Variants in MCTP1 observed in about 807,000 individuals in gnomAD.
The protein encoded by MCTP1 is multiple C2 and transmembrane domain containing 1.
In MCTP1, 69 loss-of-function variants were observed where a neutral mutation model predicts 120.6. The observed-to-expected ratio is 0.57, with a 90% CI of 0.47 to 0.70. The LOEUF (loss-of-function observed/expected upper bound fraction) is 0.70. Among genes scored for constraint, MCTP1 ranks in the 30% least tolerant of loss-of-function variants. The pLI, the probability that MCTP1 is intolerant of heterozygous loss-of-function variation, is 0.00. For missense variants in MCTP1, 1,203 were observed against 1,248.8 expected, an observed-to-expected ratio of 0.96 and a Z score of 0.55; for synonymous variants, 529 against 493.1, an observed-to-expected ratio of 1.07 and a Z score of -0.96.
intron 12 of MCTP1, among the ~76,000 whole-genome samples, chr5:94,883,048 A>G (rs1427592259): frequency 1.3e-5 from 2 of 152,214 alleles, no homozygotes; most frequent in African/African-American, 2.4e-5. Context: ...TAAAAATGCA[A>G]TTACTAAAGA....
intron 1 of MCTP1, among the ~76,000 whole-genome samples, chr5:95,220,283 A>G (rs1753535751): frequency 1.1e-4 from 16 of 152,066 alleles, no homozygotes; most frequent in Admixed American, 1.0e-3. Context: ...ATAAAATAAC[A>G]AAATAAAATC....
At chr5:94,811,659 A>G (rs1783444315) in intron 17 of MCTP1, among the ~76,000 whole-genome samples, 1 of 152,230 alleles carries the variant, frequency 6.6e-6, no homozygotes, top group Admixed American at 6.5e-5. Flanking sequence ...ATGCTGCTGC[A>G]TGTCTATGGT....
chr5:95,130,482 A>T (rs1562167349), intron 1 of MCTP1, among the ~76,000 whole-genome samples: 1 of 152,234 alleles, frequency 6.6e-6, no homozygotes, highest in Non-Finnish European at 1.5e-5. Flanking sequence ...AACAACCAAT[A>T]AGATATGGAT....
intron 1 of MCTP1, among the ~76,000 whole-genome samples, chr5:95,207,928 C>CGAGAGA (rs753843212): frequency 0.025 from 2,086 of 84,590 alleles, 90 homozygotes; most frequent in African/African-American, 0.076. Flanking sequence ...AATGAGCGGG[C>CGAGAGA]GAGAGAGAGA....
At chr5:95,126,702 TC>T (rs1205570868) in intron 1 of MCTP1, among the ~76,000 whole-genome samples, 1 of 152,164 alleles carries the variant, frequency 6.6e-6, no homozygotes, top group East Asian at 1.9e-4. Context: ...CTATACTACA[TC>T]TGCAAGGTAC....
intron 1 of MCTP1, among the ~76,000 whole-genome samples, chr5:95,264,612 C>T (rs982544665): frequency 1.1e-4 from 16 of 152,312 alleles, no homozygotes; most frequent in South Asian, 2.1e-4. Flanking sequence ...ACCTCTCTCC[C>T]ACTCTCAGCC....
chr5:95,156,974 C>G (rs1308822492), intron 1 of MCTP1, among the ~76,000 whole-genome samples: 1 of 152,122 alleles, frequency 6.6e-6, no homozygotes, highest in Non-Finnish European at 1.5e-5. Flanking sequence ...GTCAAGCTTG[C>G]TAAGAAATGT....
intron 1 of MCTP1, among the ~76,000 whole-genome samples, chr5:95,043,821 A>G (rs1388781798): frequency 6.6e-6 from 1 of 152,126 alleles, no homozygotes; most frequent in African/African-American, 2.4e-5. Context: ...GGATTAGTAA[A>G]GGCTGCATTC....
intron 1 of MCTP1, among the ~76,000 whole-genome samples, chr5:95,171,383 TG>T (rs1747267567): frequency 6.6e-6 from 1 of 152,192 alleles, no homozygotes; most frequent in Admixed American, 6.5e-5. Flanking sequence ...CTGACAATTA[TG>T]TGTCTTGGAG....
At chr5:94,741,339 C>T (rs946389654) in intron 19 of MCTP1, among the ~76,000 whole-genome samples, 1 of 152,162 alleles carries the variant, frequency 6.6e-6, no homozygotes, top group Admixed American at 6.5e-5. Flanking sequence ...ATGGAACACT[C>T]GTTTATTCAT....
chr5:94,762,478 T>C (rs1771581591), intron 19 of MCTP1, among the ~76,000 whole-genome samples: 1 of 152,238 alleles, frequency 6.6e-6, no homozygotes, highest in Non-Finnish European at 1.5e-5. Flanking sequence ...GAAAGCACAC[T>C]GAATGGGTAA....
At chr5:94,751,966 A>C (rs1290591937) in intron 19 of MCTP1, among the ~76,000 whole-genome samples, 4 of 122,588 alleles carry the variant, frequency 3.3e-5, no homozygotes, top group Admixed American at 8.2e-5. Flanking sequence ...TGTGGGGTGC[A>C]GGGAGGGGGG....
intron 9 of MCTP1, 72 bp downstream of exon 9, chr5:94,912,734 C>A (rs2153444102): frequency 8.2e-7 from 1 of 1,225,752 alleles, no homozygotes; most frequent in East Asian, 2.8e-5. Context: ...GTGGTTTCAT[C>A]TCCTAAAGCA....
intron 1 of MCTP1, among the ~76,000 whole-genome samples, chr5:95,097,484 T>C (rs142197984): frequency 3.3e-5 from 5 of 152,374 alleles, no homozygotes; most frequent in Admixed American, 2.0e-4. Flanking sequence ...AGAAGGCCAG[T>C]GTGGCCAGAG....
intron 1 of MCTP1, among the ~76,000 whole-genome samples, chr5:95,222,899 A>G (rs1753838105): frequency 6.6e-6 from 1 of 152,244 alleles, no homozygotes; most frequent in Non-Finnish European, 1.5e-5. Flanking sequence ...TTGACCATAG[A>G]GGCTGGCAAG....
At chr5:94,753,878 T>C (rs1484678856) in intron 19 of MCTP1, among the ~76,000 whole-genome samples, 1 of 152,170 alleles carries the variant, frequency 6.6e-6, no homozygotes, top group Admixed American at 6.5e-5. Context: ...GAAAGCGTAA[T>C]TGGTGCACTG....
Position 95,284,068 on chromosome 5 carries a change from G to A in MCTP1, c.508C>T (p.Pro170Ser). The A allele has an allele frequency of 1.9e-6, 3 of 1,542,684 alleles. No individual in the cohort carries two copies. Among genetic ancestry groups the A allele is most frequent in the African/African-American group, 1.4e-5 (1 of 71,720 alleles). The change falls in exon 1 of 23, where the codon CCC (proline) becomes TCC (serine). Residue 170 changes from proline to serine, a missense_variant. Physicochemically the swap from Pro to Ser is moderately conservative, Grantham distance 74. Coordinates refer to ENST00000515393, the MANE Select transcript of MCTP1 (RefSeq NM_024717.7). This position sits in a 1 kb window ranked among gnomAD's most constrained non-coding sequence, Gnocchi z 5.2. ...CGGTCCCCCCTCGGGGGAGGCTGGG[G>A]CGAGGAGGACAGGGAGGATGAGGCG... The part of the protein sequence containing the change: ...SSASSSLSSS[P>S]QPPPRGDRAR...
intron 1 of MCTP1, among the ~76,000 whole-genome samples, chr5:95,109,903 T>A (rs1178851992): frequency 6.6e-6 from 1 of 151,946 alleles, no homozygotes; most frequent in Non-Finnish European, 1.5e-5. Flanking sequence ...AACTTTTTTT[T>A]AAAGAATAAG....
intron 3 of MCTP1, among the ~76,000 whole-genome samples, chr5:94,946,762 C>T (rs1392405939): frequency 6.6e-6 from 1 of 152,162 alleles, no homozygotes; most frequent in Non-Finnish European, 1.5e-5. Context: ...CTGATGCTGG[C>T]CTATGTGTTA....
Sources: gnomAD v4.1 joint callset for allele counts (sites outside exome capture counted in the v4.1 genomes callset) on GRCh38, gnomAD v4.1.1 for gene constraint, Gnocchi (gnomAD v3.1) non-coding constraint, MANE v1.5 for transcripts, NCBI Gene and HGNC (gene_info 2026-07-23, HGNC 2026-07-21) for gene names.